The following DNHD1 variants were observed in gnomAD, a reference collection of about 807,000 sequenced individuals.
DNHD1 encodes dynein heavy chain domain 1.
In DNHD1, 383 loss-of-function variants were observed where a neutral mutation model predicts 458.1. The ratio of observed to expected loss-of-function variants is 0.84; its 90% confidence interval spans 0.77 to 0.91. The LOEUF is 0.91. Ranked by LOEUF, DNHD1 falls within the 40% of genes least tolerant of loss-of-function variation. The pLI is 0.00. For missense variants in DNHD1, 5,336 were observed against 5,866.1 expected, an observed-to-expected ratio of 0.91 and a Z score of 2.95; for synonymous variants, 2,203 against 2,376.9, an observed-to-expected ratio of 0.93 and a Z score of 2.13.
chr11:6,564,985 T>A lies in DNHD1; in HGVS notation c.10756+181T>A, dbSNP rs139732915. On this transcript the variant is annotated intron_variant, in intron 32 of 42. Transcript: ENST00000254579. The stretch of plus-strand genomic sequence containing the variant: ...CATTTATTTTTTCTCTTTATTACAA[T>A]GATTCTGAATCTACATGACTGATTG... Among the ~76,000 whole-genome samples, 15 of 152,328 alleles carry A rather than the reference T, an allele frequency of 9.8e-5. No individual in the cohort carries two copies. In the East Asian group the frequency reaches 2.5e-3, roughly 25 times the overall value.
Position 6,564,805 on chromosome 11 carries a change from G to T in DNHD1, c.10756+1G>T. 1 of 1,509,314 alleles carries T rather than the reference G, an allele frequency of 6.6e-7. No individual in the cohort carries two copies. The highest frequency in any genetic ancestry group is 8.9e-7 in the Non-Finnish European group (1 of 1,121,964). The allele number at this position is 1,509,314 out of a possible 1,614,324, so 93.5% of individuals were successfully genotyped here. Reference sequence around the variant, plus strand: ...GCGCCAGCCCTCACTGAGGGTAGAGGTAAGCAGGCATAATAAATGCAATGC... The same window carrying T: ...GCGCCAGCCCTCACTGAGGGTAGAGTTAAGCAGGCATAATAAATGCAATGC... On this transcript the variant is annotated splice_donor_variant, in intron 32 of 42. Coordinates refer to ENST00000254579, the MANE Select transcript of DNHD1 (RefSeq NM_144666.3). LOFTEE classifies it high-confidence loss of function.
At chr11:6,521,512 A>G (rs1453448128) in intron 10 of DNHD1, among the ~76,000 whole-genome samples, 1 of 152,218 alleles carries the variant, frequency 6.6e-6, no homozygotes, top group Non-Finnish European at 1.5e-5. Context: ...AAATGTCATA[A>G]TGCTTGTATC....
intron 16 of DNHD1, 64 bp downstream of exon 16, chr11:6,538,874 A>G: frequency 2.9e-6 from 4 of 1,381,646 alleles, no homozygotes; most frequent in Non-Finnish European, 3.8e-6. Flanking sequence ...CGATGCAGCA[A>G]CTCAGTTTCC....
In DNHD1 at chr11:6,557,510, G is replaced by T. The variant is rs561748272; in HGVS notation, c.8215G>T (p.Ala2739Ser). The part of the protein sequence containing the change: ...EEEEPYGLQV[A>S]RVSNSRDPSL... ...AGAGGAACCTTATGGCCTTCAGGTC[G>T]CCAGAGTCTCAAACTCCAGAGATCC... The change falls in exon 25 of 43, where the codon GCC (alanine) becomes TCC (serine). Residue 2739 changes from alanine to serine, a missense_variant. Around this residue, in one of 4 missense-constraint regions of DNHD1, gnomAD observed 3,932 missense variants for 4,365.6 expected, o/e 0.90. Coordinates refer to ENST00000254579, the MANE Select transcript of DNHD1 (RefSeq NM_144666.3). 1.9e-6 allele frequency: 3 copies of T among 1,551,596 alleles called. No homozygotes were observed. Among genetic ancestry groups the T allele is most frequent in the Admixed American group, 3.9e-5 (2 of 50,974 alleles).
At chr11:6,537,106 G>A (rs1852968610) in intron 14 of DNHD1, among the ~76,000 whole-genome samples, 1 of 152,178 alleles carries the variant, frequency 6.6e-6, no homozygotes, top group African/African-American at 2.4e-5. Context: ...TCAAGTTAAT[G>A]AGATATCTGT....
chr11:6,571,300 G>C lies in DNHD1; in HGVS notation c.13788G>C (p.Leu4596Phe), dbSNP rs371523892. 26 of 1,612,200 alleles carry C rather than the reference G, an allele frequency of 1.6e-5. No individual in the cohort carries two copies. The African/African-American group carries it at 2.9e-4, about 18-fold the overall frequency. ...FRHPRRLLLALRGEAALDQNV... is the reference protein window; with the variant it reads ...FRHPRRLLLAFRGEAALDQNV... ...ACCCGCGCCGCCTGCTGCTGGCATT[G>C]CGTGGGGAAGCTGCCCTGGACCAGA... Residue 4596 changes from leucine (L) to phenylalanine (F), a missense_variant, in exon 42 of 43, where the codon TTG (leucine) becomes TTC (phenylalanine). By Grantham distance (22) the Leu-to-Phe change is conservative. Around this residue, in one of 4 missense-constraint regions of DNHD1, gnomAD observed 698 missense variants for 664.9 expected, o/e 1.05. Transcript: ENST00000254579. This position sits in a 1 kb window ranked among gnomAD's most constrained non-coding sequence, Gnocchi z 5.0.
chr11:6,512,353 TG>T lies in DNHD1; in HGVS notation c.1392+927del, dbSNP rs1437886808. Among the ~76,000 whole-genome samples, 5 of 150,778 alleles carry T rather than the reference TG, an allele frequency of 3.3e-5. No individual in the cohort carries two copies. The East Asian group carries it at 9.8e-4, about 30-fold the overall frequency. ...CTCCTGCCTCAGCCTCCCAAGTAGCTGGGACTACAGGCACCCACCACCATGC... is the reference window on the plus strand; with the variant it reads ...CTCCTGCCTCAGCCTCCCAAGTAGCTGGACTACAGGCACCCACCACCATGC... On this transcript the variant is annotated intron_variant, in intron 7 of 42. Transcript: ENST00000254579.
In DNHD1 at chr11:6,567,441, C is replaced by T. The variant is rs757652435; in HGVS notation, c.11932C>T (p.Arg3978Ter). 69 of 1,611,950 alleles carry T rather than the reference C, an allele frequency of 4.3e-5. No homozygotes were observed. The highest frequency in any genetic ancestry group is 5.4e-5 in the Non-Finnish European group (64 of 1,179,108). The change falls in exon 36 of 43, where the codon CGA becomes TGA. Residue 3978 changes from arginine to a stop codon, truncating the protein, a stop_gained. Transcript: ENST00000254579. LOFTEE classifies it high-confidence loss of function. ...VHSKPVSDVA[R>*]PAWLGPKAWH... ...CAGCAAGCCAGTCTCAGATGTGGCT[C>T]GACCGGCCTGGCTTGGGCCAAAAGC...
Position 6,534,023 on chromosome 11 carries a change from G to C in DNHD1, c.2848G>C (p.Gly950Arg). Residue 950 changes from glycine (G) to arginine (R), a missense_variant, in exon 14 of 43, where the codon GGC (glycine) becomes CGC (arginine). Around this residue, in one of 4 missense-constraint regions of DNHD1, gnomAD observed 3,932 missense variants for 4,365.6 expected, o/e 0.90. Transcript: ENST00000254579. ...GGCAGCAGCATTGGCAGAGCTGGAAGGCCTGCTTGCGAAGGCCCTCTCCGG... is the reference window on the plus strand; with the variant it reads ...GGCAGCAGCATTGGCAGAGCTGGAACGCCTGCTTGCGAAGGCCCTCTCCGG... ...LMAAALAELE[G>R]LLAKALSGPF... is the part of the protein sequence containing the mutation. 3 of 1,551,546 alleles carry C rather than the reference G, an allele frequency of 1.9e-6. No homozygotes were observed. The highest frequency in any genetic ancestry group is 1.7e-6 in the Non-Finnish European group (2 of 1,146,964).
At chr11:6,500,927 C>A (rs1427961988) in intron 3 of DNHD1, among the ~76,000 whole-genome samples, 1 of 151,556 alleles carries the variant, frequency 6.6e-6, no homozygotes, top group African/African-American at 2.4e-5. Context: ...AGAATACTGT[C>A]TTTTGCCTGG....
At chr11:6,542,320 A>G (rs573596974) in intron 18 of DNHD1, among the ~76,000 whole-genome samples, 8 of 152,282 alleles carry the variant, frequency 5.3e-5, no homozygotes, top group African/African-American at 1.9e-4. Context: ...TCATCCTTAG[A>G]TTTCTCTGCT....
chr11:6,560,583 G>A (rs1853565746), intron 28 of DNHD1, among the ~76,000 whole-genome samples: 1 of 152,170 alleles, frequency 6.6e-6, no homozygotes, highest in Non-Finnish European at 1.5e-5. Flanking sequence ...AGGGGTCCTA[G>A]TATTCCTTGA....
In DNHD1 at chr11:6,567,847, C is replaced by A. The variant is rs1262725046; in HGVS notation, c.12338C>A (p.Ala4113Asp). ...HPLTVIQKLAAKYQQGQKQLQ... is the reference protein window; with the variant it reads ...HPLTVIQKLADKYQQGQKQLQ... ...CTGACTGTCATCCAGAAACTGGCTG[C>A]CAAGTATCAGCAGGTTTGAACCTAG... Residue 4113 changes from alanine (A) to aspartate (D), a missense_variant, in exon 36 of 43, where the codon GCC (alanine) becomes GAC (aspartate). This residue lies in a region of DNHD1 where 695 missense variants were observed against 804.2 expected (regional missense o/e 0.86). Coordinates refer to ENST00000254579, the MANE Select transcript of DNHD1 (RefSeq NM_144666.3). 5 of 1,611,472 alleles carry A rather than the reference C, an allele frequency of 3.1e-6. No homozygotes were observed. The South Asian group carries it at 3.3e-5, about 11-fold the overall frequency.
In DNHD1 at chr11:6,567,708, C is replaced by T. The variant is rs1853740107; in HGVS notation, c.12199C>T (p.Pro4067Ser). 5 of 1,613,778 alleles carry T rather than the reference C, an allele frequency of 3.1e-6. No individual in the cohort carries two copies. In the South Asian group the frequency reaches 5.5e-5, roughly 18 times the overall value. ...CTTCACCACTAGCCTCCTGGGTCGGCCCCTGGATGAAAACACGTATGCTCC... is the reference window on the plus strand; with the variant it reads ...CTTCACCACTAGCCTCCTGGGTCGGTCCCTGGATGAAAACACGTATGCTCC... The part of the protein sequence containing the change: ...ADFTTSLLGR[P>S]LDENTYAPTM... The change falls in exon 36 of 43, where the codon CCC becomes TCC. Residue 4067 changes from proline (P) to serine (S), a missense_variant. Physicochemically the swap from Pro to Ser is moderately conservative, Grantham distance 74. Around this residue, in one of 4 missense-constraint regions of DNHD1, gnomAD observed 695 missense variants for 804.2 expected, o/e 0.86. Coordinates refer to ENST00000254579, the MANE Select transcript of DNHD1 (RefSeq NM_144666.3).
At chr11:6,509,905 G>A (rs1852302269) in intron 6 of DNHD1, among the ~76,000 whole-genome samples, 1 of 152,106 alleles carries the variant, frequency 6.6e-6, no homozygotes, top group African/African-American at 2.4e-5. Context: ...ACTGCAATCT[G>A]GAGACTGCAT....
intron 14 of DNHD1, among the ~76,000 whole-genome samples, chr11:6,537,714 C>G (rs1054872012): frequency 1.3e-5 from 2 of 152,108 alleles, no homozygotes; most frequent in South Asian, 2.1e-4. Flanking sequence ...GGGCGGATCA[C>G]GAGGTCAGGA....
intron 14 of DNHD1, among the ~76,000 whole-genome samples, chr11:6,537,706 G>T (rs574500404): frequency 6.6e-6 from 1 of 152,286 alleles, no homozygotes; most frequent in South Asian, 2.1e-4. Context: ...GCCGAGGCGG[G>T]CGGATCACGA....
chr11:6,501,012 G>A (rs1015611121), intron 3 of DNHD1, among the ~76,000 whole-genome samples: 39 of 152,126 alleles, frequency 2.6e-4, no homozygotes, highest in African/African-American at 8.7e-4. Context: ...GAGTGTTCAA[G>A]TCTAGATTAG....
Position 6,557,967 on chromosome 11 carries a change from G to C in DNHD1, c.8672G>C (p.Gly2891Ala). The C allele has an allele frequency of 1.3e-6, 2 of 1,551,658 alleles. No individual in the cohort carries two copies. The highest frequency in any genetic ancestry group is 1.7e-6 in the Non-Finnish European group (2 of 1,146,996). Reference protein sequence around the residue: ...RPRQHGLLLSGALGTGRHTAI... With the variant: ...RPRQHGLLLSAALGTGRHTAI... ...CGGCAGCATGGCCTGCTGCTCTCGG[G>C]GGCTCTGGGTACTGGGCGCCACACT... The change falls in exon 25 of 43, where the codon GGG (glycine) becomes GCG (alanine). Residue 2891 changes from glycine to alanine, a missense_variant. Transcript: ENST00000254579.
Sources: gnomAD v4.1 joint callset for allele counts (sites outside exome capture counted in the v4.1 genomes callset) on GRCh38, gnomAD v4.1.1 for gene constraint, gnomAD v4.1.1 regional missense constraint, Gnocchi (gnomAD v3.1) non-coding constraint, MANE v1.5 for transcripts, NCBI Gene and HGNC (gene_info 2026-07-23, HGNC 2026-07-21) for gene names.